KIF6: variants seen among roughly 807,000 people sequenced by gnomAD.
KIF6 encodes kinesin family member 6, also known as kinesin-like protein KIF6.
A neutral mutation model predicts 112.7 loss-of-function variants in KIF6; 106 were observed. The ratio of observed to expected loss-of-function variants is 0.94; its 90% CI spans 0.80 to 1.11. The LOEUF is 1.11. Among genes scored for constraint, KIF6 ranks in the 50% least tolerant of loss-of-function variants. The pLI is 0.00. For synonymous variants in KIF6, 339 were observed against 339.9 expected (o/e 1.00, Z 0.03); for missense variants, 929 against 964.0 (o/e 0.96, Z 0.48).
At chr6:39,631,705 GT>G (rs370778695) in intron 5 of KIF6, among the ~76,000 whole-genome samples, 10,963 of 143,752 alleles carry the variant, frequency 0.076, 518 homozygotes, top group South Asian at 0.18. Flanking sequence ...TCAGTCTGTA[GT>G]TTTTTTTTTT....
intron 15 of KIF6, among the ~76,000 whole-genome samples, chr6:39,412,561 T>C (rs1482746729): frequency 2.0e-5 from 3 of 152,378 alleles, no homozygotes; most frequent in Non-Finnish European, 4.4e-5. Flanking sequence ...TCCTTCTGTA[T>C]ATCATCAAGT....
intron 15 of KIF6, among the ~76,000 whole-genome samples, chr6:39,415,912 T>G (rs892589840): frequency 6.6e-6 from 1 of 152,250 alleles, no homozygotes; most frequent in African/African-American, 2.4e-5. Context: ...TTTTGCTAGC[T>G]TTTCTAGTGT....
chr6:39,404,988 A>G (rs903440980), intron 15 of KIF6, among the ~76,000 whole-genome samples: 17 of 151,172 alleles, frequency 1.1e-4, no homozygotes, highest in African/African-American at 4.1e-4. Flanking sequence ...TATATTTAAA[A>G]GTATAAAATA....
intron 19 of KIF6, among the ~76,000 whole-genome samples, chr6:39,352,133 G>A (rs566927050): frequency 6.6e-5 from 10 of 152,320 alleles, no homozygotes; most frequent in African/African-American, 2.2e-4. Flanking sequence ...ATTTAGAGAA[G>A]TTTTAAGTTT....
chr6:39,692,632 A>T (rs903988000), intron 3 of KIF6, among the ~76,000 whole-genome samples: 2 of 152,204 alleles, frequency 1.3e-5, no homozygotes, highest in African/African-American at 2.4e-5. Context: ...ACTGTGATAG[A>T]ATGATGGTTA....
At chr6:39,622,392 C>A (rs754627833) in intron 5 of KIF6, among the ~76,000 whole-genome samples, 3 of 151,936 alleles carry the variant, frequency 2.0e-5, no homozygotes, top group Non-Finnish European at 4.4e-5. Flanking sequence ...AGTTTAAATT[C>A]TTATAATGTA....
At chr6:39,712,516 A>T (rs1438241127) in intron 3 of KIF6, among the ~76,000 whole-genome samples, 1 of 152,116 alleles carries the variant, frequency 6.6e-6, no homozygotes, top group Non-Finnish European at 1.5e-5. Context: ...GCCTTCATGG[A>T]GCTTTGTTTT....
At chr6:39,345,218 G>A (rs183156822) in intron 21 of KIF6, among the ~76,000 whole-genome samples, 203 of 152,378 alleles carry the variant, frequency 1.3e-3, no homozygotes, top group African/African-American at 4.7e-3. Flanking sequence ...CAGGCCAGCC[G>A]GAAGCACTAA....
intron 3 of KIF6, among the ~76,000 whole-genome samples, chr6:39,655,754 AT>A (rs779698030): frequency 6.6e-6 from 1 of 152,158 alleles, no homozygotes; most frequent in Non-Finnish European, 1.5e-5. Flanking sequence ...TGAGCTAACC[AT>A]TTTATCTCAA....
intron 3 of KIF6, among the ~76,000 whole-genome samples, chr6:39,705,615 C>G (rs550173890): frequency 6.6e-6 from 1 of 152,154 alleles, no homozygotes; most frequent in Non-Finnish European, 1.5e-5. Flanking sequence ...GGAGACCTTG[C>G]CTCCATGAAG....
chr6:39,395,017 C>T (rs553865643), intron 15 of KIF6, among the ~76,000 whole-genome samples: 61 of 152,296 alleles, frequency 4.0e-4, no homozygotes, highest in African/African-American at 1.4e-3. Context: ...AGACAGTAGT[C>T]TGGGCTTTTC....
intron 20 of KIF6, among the ~76,000 whole-genome samples, chr6:39,346,106 C>CTCTCTCT (rs1562113115): frequency 6.3e-5 from 2 of 31,558 alleles, no homozygotes; most frequent in Admixed American, 2.8e-4. Context: ...TCCCTCCCCC[C>CTCTCTCT]CTCCCTCTCC....
intron 6 of KIF6, among the ~76,000 whole-genome samples, chr6:39,599,511 C>T (rs1400378801): frequency 6.6e-6 from 1 of 152,170 alleles, no homozygotes; most frequent in East Asian, 1.9e-4. Context: ...AAATTTGACC[C>T]ATTACTTGTT....
rs1380853238 is a variant in KIF6, at chr6:39,378,353, CAT to C, written c.1861+7267_1861+7268del. Reference sequence around the variant, plus strand: ...ACATATCCAACATACCACATACACACATACCACGTGCCACATATACATACAAT... The same window carrying C: ...ACATATCCAACATACCACATACACACACCACGTGCCACATATACATACAAT... On this transcript the variant is annotated intron_variant, in intron 16 of 22. Transcript: ENST00000287152. The surrounding 1 kb of genome is among the most constrained non-coding windows in gnomAD (Gnocchi z 5.0). Among the ~76,000 whole-genome samples the C allele has an allele frequency of 6.6e-6, 1 of 151,894 alleles. No homozygotes were observed. Among genetic ancestry groups the C allele is most frequent in the African/African-American group, 2.4e-5 (1 of 41,290 alleles).
At chr6:39,481,991 C>T (rs1774825299) in intron 13 of KIF6, among the ~76,000 whole-genome samples, 1 of 149,154 alleles carries the variant, frequency 6.7e-6, no homozygotes, top group South Asian at 2.1e-4. Flanking sequence ...GAGATAAAGA[C>T]AACGGGACCT....
chr6:39,371,279 C>A (rs1007001692), intron 16 of KIF6, among the ~76,000 whole-genome samples: 8 of 152,072 alleles, frequency 5.3e-5, no homozygotes, highest in African/African-American at 1.9e-4. Flanking sequence ...GAGAAGGAAA[C>A]CTGGAGGCGG....
chr6:39,346,075 TCTCTCTCTCTCCC>T (rs1562112723), intron 20 of KIF6, among the ~76,000 whole-genome samples: 2 of 21,132 alleles, frequency 9.5e-5, no homozygotes, highest in East Asian at 2.5e-3. Context: ...TCTCTCTCTC[TCTCTCTCTCTCCC>T]CCCCCTCTCC....
At chr6:39,479,624 T>C (rs1388964811) in intron 13 of KIF6, among the ~76,000 whole-genome samples, 1 of 152,188 alleles carries the variant, frequency 6.6e-6, no homozygotes, top group African/African-American at 2.4e-5. Context: ...TTTTTTCTAG[T>C]TCTGTAAAGA....
At chr6:39,644,432 G>T (rs1276928057) in intron 3 of KIF6, among the ~76,000 whole-genome samples, 1 of 152,108 alleles carries the variant, frequency 6.6e-6, no homozygotes, top group Admixed American at 6.6e-5. Flanking sequence ...GTCAGCTGAT[G>T]AGTGGATAAA....
Sources: allele counts gnomAD v4.1 joint callset (sites outside exome capture counted in the v4.1 genomes callset), GRCh38; gene constraint gnomAD v4.1.1; non-coding constraint Gnocchi (gnomAD v3.1); transcripts MANE v1.5; gene names NCBI Gene and HGNC (gene_info 2026-07-23, HGNC 2026-07-21).